The following RAD51B variants were observed in gnomAD, a reference collection of about 807,000 sequenced individuals.
The protein encoded by RAD51B is DNA repair protein RAD51 homolog 2.
RAD51B carries 38 observed loss-of-function variants against 42.2 expected under a neutral mutation model. The observed-to-expected ratio is 0.90, with a 90% CI of 0.70 to 1.18. RAD51B has a LOEUF of 1.18. Ranked by LOEUF, RAD51B falls within the 50% of genes most tolerant of loss-of-function variation. RAD51B has a pLI of 0.00. For missense variants in RAD51B, 373 were observed against 400.7 expected, an observed-to-expected ratio of 0.93 and a Z score of 0.59; for synonymous variants, 154 against 145.2, an observed-to-expected ratio of 1.06 and a Z score of -0.43.
chr14:68,232,744 A>G (rs867627389), intron 7 of RAD51B, among the ~76,000 whole-genome samples: 6 of 152,312 alleles, frequency 3.9e-5, no homozygotes, highest in African/African-American at 1.2e-4. Context: ...AGCCAGCCAA[A>G]TGTTTTCAAC....
intron 9 of RAD51B, among the ~76,000 whole-genome samples, chr14:68,457,520 A>G (rs1480667558): frequency 6.6e-6 from 1 of 152,170 alleles, no homozygotes; most frequent in Non-Finnish European, 1.5e-5. Context: ...CATATTTTTG[A>G]CTGTATAAAT....
In RAD51B at chr14:68,346,109, T is replaced by C. The variant is rs35686430; in HGVS notation, c.853+54129T>C. 4.6e-4 allele frequency among the ~76,000 whole-genome samples: 70 copies of C among 152,336 alleles called. 1 individual carries two copies. In the East Asian group the frequency reaches 0.013, roughly 28 times the overall value. Reference sequence around the variant, plus strand: ...TTTTGAATGCATGCAGAGAATAGATTAAAATATAAATATCTTGATGTTTTT... The same window carrying C: ...TTTTGAATGCATGCAGAGAATAGATCAAAATATAAATATCTTGATGTTTTT... On this transcript the variant is annotated intron_variant, in intron 8 of 10. Transcript: ENST00000471583.
At chr14:68,586,433 T>C (rs1595001104) in intron 10 of RAD51B, among the ~76,000 whole-genome samples, 2 of 152,290 alleles carry the variant, frequency 1.3e-5, no homozygotes, top group East Asian at 1.9e-4. Flanking sequence ...CAGATGCCCA[T>C]GGAAATGCAA....
At chr14:68,497,632 A>G (rs1347556688) in intron 10 of RAD51B, 5 of 700,048 alleles carry the variant, frequency 7.1e-6, no homozygotes, top group Non-Finnish European at 9.1e-6. Flanking sequence ...CTAGTTCCAA[A>G]TATTTTCATC....
At chr14:68,087,852 A>ATATATAATTATATAATATATTATT (rs1238977654) in intron 7 of RAD51B, among the ~76,000 whole-genome samples, 1 of 119,578 alleles carries the variant, frequency 8.4e-6, no homozygotes, top group Non-Finnish European at 1.6e-5. Context: ...TAATTATTAT[A>ATATATAATTATATAATATATTATT]TATATAATTA....
chr14:68,362,665 G>C (rs1020613847), intron 8 of RAD51B, among the ~76,000 whole-genome samples: 3 of 152,044 alleles, frequency 2.0e-5, no homozygotes, highest in African/African-American at 7.2e-5. Context: ...CTGGCTAACA[G>C]GGTGAAACCC....
rs527625100 is a variant in RAD51B at position 68,176,778 on chromosome 14, A to G, written c.757-115106A>G. On this transcript the variant is annotated intron_variant, in intron 7 of 10. Coordinates refer to ENST00000471583, the MANE Select transcript of RAD51B (RefSeq NM_133510.4). ...TTAAAGGTAACCAACCTTGAAATAA[A>G]TAGTTATAGCAGTGCCAAAAGAGGA... Among the ~76,000 whole-genome samples the G allele has an allele frequency of 8.5e-5, 13 of 152,286 alleles. No homozygotes were observed. The East Asian group carries it at 1.2e-3, about 14-fold the overall frequency.
intron 7 of RAD51B, among the ~76,000 whole-genome samples, chr14:67,978,749 C>G (rs974903158): frequency 6.6e-6 from 1 of 152,156 alleles, no homozygotes; most frequent in African/African-American, 2.4e-5. Context: ...AAATGAAATC[C>G]ATTTGAATTT....
chr14:67,935,539 A>T (rs2044908882), intron 7 of RAD51B, among the ~76,000 whole-genome samples: 1 of 151,996 alleles, frequency 6.6e-6, no homozygotes, highest in African/African-American at 2.4e-5. Context: ...TGATTTTAAA[A>T]TTTTTTTGTA....
intron 7 of RAD51B, among the ~76,000 whole-genome samples, chr14:68,117,852 T>C (rs1217916651): frequency 2.6e-5 from 4 of 152,230 alleles, no homozygotes; most frequent in Admixed American, 1.3e-4. Context: ...CCAACGATGC[T>C]GTCATTGCAA....
chr14:68,160,894 G>A (rs1034899122), intron 7 of RAD51B, among the ~76,000 whole-genome samples: 1 of 152,158 alleles, frequency 6.6e-6, no homozygotes, highest in Admixed American at 6.5e-5. Context: ...AACATTGCAT[G>A]GTAATTACAT....
At chr14:68,040,636 C>T (rs901574894) in intron 7 of RAD51B, among the ~76,000 whole-genome samples, 3 of 152,284 alleles carry the variant, frequency 2.0e-5, no homozygotes, top group South Asian at 2.1e-4. Flanking sequence ...ATGTGATAAG[C>T]GTTGCTCTCT....
At chr14:68,469,882 TA>T (rs2086078501) in intron 10 of RAD51B, among the ~76,000 whole-genome samples, 1 of 152,232 alleles carries the variant, frequency 6.6e-6, no homozygotes, top group Non-Finnish European at 1.5e-5. Context: ...GGCATTTTGT[TA>T]AATAGCATTT....
chr14:67,915,273 A>G (rs2044113601), intron 7 of RAD51B, among the ~76,000 whole-genome samples: 1 of 152,212 alleles, frequency 6.6e-6, no homozygotes, highest in African/African-American at 2.4e-5. Context: ...GGGTATGTTT[A>G]TCAGAAGAAG....
In RAD51B at chr14:68,310,571, C is replaced by T. The variant is rs1006207809; in HGVS notation, c.853+18591C>T. On this transcript the variant is annotated intron_variant, in intron 8 of 10. Transcript: ENST00000471583. ...TTTTAAAAAGCAGGTCACGGCTGGACGTGGTGGCTCACGCCTGTAATCCCA... is the reference window on the plus strand; with the variant it reads ...TTTTAAAAAGCAGGTCACGGCTGGATGTGGTGGCTCACGCCTGTAATCCCA... Among the ~76,000 whole-genome samples, 10 of 152,214 alleles carry T rather than the reference C, an allele frequency of 6.6e-5. No homozygotes were observed. In the South Asian group the frequency reaches 8.3e-4, roughly 13 times the overall value.
chr14:68,200,855 G>A lies in RAD51B; in HGVS notation c.757-91029G>A, dbSNP rs139332379. ...TTATTTTTAGTAGAGATGAGGTCTC[G>A]CTATGTTGCCCAGGCCGGTCTCAAA... On this transcript the variant is annotated intron_variant, in intron 7 of 10. Transcript: ENST00000471583. 1.5e-3 allele frequency among the ~76,000 whole-genome samples: 231 copies of A among 151,840 alleles called. 1 individual carries two copies. The highest frequency in any genetic ancestry group is 5.3e-3 in the African/African-American group (221 of 41,398).
chr14:68,597,170 G>A (rs1305071626), downstream of RAD51B, among the ~76,000 whole-genome samples: 1 of 152,192 alleles, frequency 6.6e-6, no homozygotes, highest in Non-Finnish European at 1.5e-5. Context: ...TTCTGGAAGA[G>A]GCAATCTGAG....
intron 11 of RAD51B, among the ~76,000 whole-genome samples, chr14:68,673,670 C>T (rs1426592034): frequency 1.3e-5 from 2 of 149,580 alleles, no homozygotes; most frequent in Non-Finnish European, 3.0e-5. Flanking sequence ...ACATACTGTG[C>T]ACACACATAT....
chr14:67,883,854 A>G (rs560824916), intron 5 of RAD51B, among the ~76,000 whole-genome samples: 62 of 152,316 alleles, frequency 4.1e-4, no homozygotes, highest in African/African-American at 1.5e-3. Flanking sequence ...TAGGTCCTCA[A>G]TAAATATTTG....
Sources: gnomAD v4.1 joint callset for allele counts (sites outside exome capture counted in the v4.1 genomes callset) on GRCh38, gnomAD v4.1.1 for gene constraint, MANE v1.5 for transcripts, NCBI Gene and HGNC (gene_info 2026-07-23, HGNC 2026-07-21) for gene names.